The following CSTPP1 variants were observed in gnomAD, a reference collection of about 807,000 sequenced individuals.
CSTPP1 encodes centriolar satellite-associated tubulin polyglutamylase complex regulator 1, also known as UPF0705 protein C11orf49.
chr11:46,956,093 C>G, the CSTPP1 span, among the ~76,000 whole-genome samples: 1 of 151,474 alleles, frequency 6.6e-6, no homozygotes, highest in African/African-American at 2.4e-5. Context: ...TTGCATACAT[C>G]ATTTAAGAGT....
chr11:47,052,262 C>T, the CSTPP1 span: 1 of 1,228,072 alleles, frequency 8.1e-7, no homozygotes, highest in Non-Finnish European at 1.1e-6. Flanking sequence ...ATCTAGAGTT[C>T]AGAGTTTTGT....
chr11:47,117,431 A>G, the CSTPP1 span, among the ~76,000 whole-genome samples: 2 of 151,940 alleles, frequency 1.3e-5, no homozygotes, highest in African/African-American at 4.8e-5. Context: ...TGGGTTGAAA[A>G]TTCTTTAAGA....
chr11:47,045,999 C>T, the CSTPP1 span, among the ~76,000 whole-genome samples: 3 of 151,858 alleles, frequency 2.0e-5, no homozygotes, highest in African/African-American at 7.3e-5. Flanking sequence ...GTTGGCCAGG[C>T]TGGTCTTGTA....
the CSTPP1 span, chr11:47,164,254 G>T: frequency 6.8e-6 from 11 of 1,611,580 alleles, no homozygotes; most frequent in South Asian, 1.2e-4. Flanking sequence ...AGAGAGTGAG[G>T]CCAGGGGCCG....
chr11:47,002,706 A>G, the CSTPP1 span, among the ~76,000 whole-genome samples: 7 of 152,074 alleles, frequency 4.6e-5, no homozygotes, highest in African/African-American at 1.7e-4. Context: ...ATGAAGAAAC[A>G]CCATCCTTGG....
the CSTPP1 span, among the ~76,000 whole-genome samples, chr11:47,062,152 C>CAT: frequency 6.6e-6 from 1 of 152,062 alleles, no homozygotes; most frequent in East Asian, 1.9e-4. Context: ...TTTATCATAT[C>CAT]ATTTATTACA....
chr11:47,012,982 C>T, the CSTPP1 span, among the ~76,000 whole-genome samples: 76 of 135,068 alleles, frequency 5.6e-4, no homozygotes, highest in Admixed American at 2.1e-3. Flanking sequence ...TGTATTGGTG[C>T]GAGACAGAAT....
At chr11:47,144,960 G>A in the CSTPP1 span, among the ~76,000 whole-genome samples, 8 of 140,724 alleles carry the variant, frequency 5.7e-5, no homozygotes, top group Non-Finnish European at 1.1e-4. Flanking sequence ...GAGAACCACT[G>A]ATTTAAAGTA....
the CSTPP1 span, among the ~76,000 whole-genome samples, chr11:47,069,037 A>G: frequency 8.5e-5 from 13 of 152,202 alleles, no homozygotes; most frequent in Non-Finnish European, 1.6e-4. Context: ...ATTAAAATTT[A>G]CTGTGTAACA....
the CSTPP1 span, among the ~76,000 whole-genome samples, chr11:47,115,164 A>C: frequency 1.3e-5 from 2 of 152,256 alleles, no homozygotes; most frequent in Non-Finnish European, 1.5e-5. Context: ...CCAGCCTTGC[A>C]TCCCAGGGAT....
At chr11:47,069,291 C>T in the CSTPP1 span, among the ~76,000 whole-genome samples, 660 of 152,262 alleles carry the variant, frequency 4.3e-3, 1 homozygote, top group African/African-American at 0.015. Context: ...TTCAGGTCTT[C>T]TGGTTGTCAG....
At chr11:47,041,380 G>A in the CSTPP1 span, 2,746 of 247,856 alleles carry the variant, frequency 0.011, 261 homozygotes, top group African/African-American at 0.057. Flanking sequence ...TGCTGACAAA[G>A]TAGATGATGG....
chr11:47,067,403 G>C, the CSTPP1 span, among the ~76,000 whole-genome samples: 2 of 152,230 alleles, frequency 1.3e-5, no homozygotes, highest in Admixed American at 6.5e-5. Flanking sequence ...TGACTGAACT[G>C]TGTCTGCCCC....
the CSTPP1 span, among the ~76,000 whole-genome samples, chr11:46,964,749 T>C: frequency 6.6e-6 from 1 of 152,208 alleles, no homozygotes; most frequent in African/African-American, 2.4e-5. Flanking sequence ...TTACTGAAAC[T>C]CTAGGGGTTT....
At chr11:47,117,111 A>G in the CSTPP1 span, among the ~76,000 whole-genome samples, 1 of 152,142 alleles carries the variant, frequency 6.6e-6, no homozygotes, top group Non-Finnish European at 1.5e-5. Context: ...GTGTCTTTTA[A>G]TTGGGGCATT....
the CSTPP1 span, among the ~76,000 whole-genome samples, chr11:47,142,136 G>C: frequency 6.6e-6 from 1 of 150,840 alleles, no homozygotes; most frequent in African/African-American, 2.4e-5. Flanking sequence ...CCAGCTACTT[G>C]GGAGCCTGAG....
chr11:47,089,132 G>C, the CSTPP1 span, among the ~76,000 whole-genome samples: 1 of 152,150 alleles, frequency 6.6e-6, no homozygotes, highest in Non-Finnish European at 1.5e-5. Flanking sequence ...AGACTTGGTA[G>C]TTCACACGCC....
the CSTPP1 span, among the ~76,000 whole-genome samples, chr11:47,128,445 A>C: frequency 6.6e-6 from 1 of 152,120 alleles, no homozygotes; most frequent in African/African-American, 2.4e-5. Context: ...GCAGTGGTGC[A>C]ATCATGGCTC....
At chr11:47,062,345 GAAGA>G in the CSTPP1 span, among the ~76,000 whole-genome samples, 1 of 152,126 alleles carries the variant, frequency 6.6e-6, no homozygotes, top group South Asian at 2.1e-4. Flanking sequence ...TAATGATACA[GAAGA>G]TAGATTATTG....
Sources: gnomAD v4.1 joint callset for allele counts (sites outside exome capture counted in the v4.1 genomes callset) on GRCh38, gnomAD v4.1.1 for gene constraint, MANE v1.5 for transcripts, NCBI Gene and HGNC (gene_info 2026-07-23, HGNC 2026-07-21) for gene names.